The following AP2B1 variants were observed in gnomAD, a reference collection of about 807,000 sequenced individuals.
The protein encoded by AP2B1 is AP-2 complex subunit beta.
A neutral mutation model predicts 102.0 loss-of-function variants in AP2B1; 23 were observed. The ratio of observed to expected loss-of-function variants is 0.23; its 90% confidence interval spans 0.16 to 0.32. The LOEUF (loss-of-function observed/expected upper bound fraction) is 0.32, where lower values mean the gene tolerates loss of function less well. Among genes scored for constraint, AP2B1 ranks in the 10% least tolerant of loss-of-function variants. AP2B1 has a pLI of 1.00. For synonymous variants in AP2B1, 381 were observed against 421.2 expected, an observed-to-expected ratio of 0.90 and a Z score of 1.17; for missense variants, 541 against 1,157.4, an observed-to-expected ratio of 0.47 and a Z score of 7.73.
chr17:35,652,722 T>C (rs894410016), intron 13 of AP2B1, among the ~76,000 whole-genome samples: 5 of 152,214 alleles, frequency 3.3e-5, no homozygotes, highest in Non-Finnish European at 7.4e-5. Context: ...TTATATCTTT[T>C]CATTGAACTC....
intron 18 of AP2B1, among the ~76,000 whole-genome samples, chr17:35,692,977 TTGGC>T (rs1306484608): frequency 2.0e-5 from 3 of 151,978 alleles, no homozygotes; most frequent in South Asian, 4.2e-4. Context: ...AGTTGTTTAT[TTGGC>T]GTTTTTTTAT....
chr17:35,665,120 G>T (rs1322014490), intron 14 of AP2B1, among the ~76,000 whole-genome samples: 3 of 134,790 alleles, frequency 2.2e-5, no homozygotes, highest in Admixed American at 8.4e-5. Flanking sequence ...ATGCTTTTTG[G>T]AATAGCTTTT....
intron 2 of AP2B1, 24 bp downstream of exon 2, chr17:35,594,091 T>C: frequency 6.5e-7 from 1 of 1,548,124 alleles, no homozygotes; most frequent in Non-Finnish European, 8.8e-7. Flanking sequence ...TACAATCAAA[T>C]CTTTTGAAAT....
In AP2B1 at chr17:35,624,450, C is replaced by T. The variant is rs1431596492; in HGVS notation, c.579C>T (p.Asn193=). The T allele has an allele frequency of 2.5e-6, 4 of 1,614,084 alleles. No individual in the cohort carries two copies. The highest frequency in any genetic ancestry group is 1.7e-5 in the Admixed American group (1 of 60,008). The change falls in exon 6 of 22, where the codon AAC becomes AAT. Residue 193 remains asparagine, a synonymous_variant. Coordinates refer to ENST00000610402, the MANE Select transcript of AP2B1 (RefSeq NM_001030006.2). ...ALSEISESHP[N]SNLLDLNPQN... ...CTGAAATCAGTGAGTCTCACCCAAACAGCAACTTACTTGATCTGAACCCAC... is the reference window on the plus strand; with the variant it reads ...CTGAAATCAGTGAGTCTCACCCAAATAGCAACTTACTTGATCTGAACCCAC...
chr17:35,597,349 T>C (rs1040198539), intron 2 of AP2B1, among the ~76,000 whole-genome samples: 39 of 152,306 alleles, frequency 2.6e-4, no homozygotes, highest in South Asian at 4.1e-4. Context: ...TCTTTTTTAT[T>C]TTGGTTCCGG....
rs183650034 is a variant in AP2B1 at position 35,631,778 on chromosome 17, C to G, written c.1155+4052C>G. On this transcript the variant is annotated intron_variant, in intron 9 of 21. Coordinates refer to ENST00000610402, the MANE Select transcript of AP2B1 (RefSeq NM_001030006.2). ...ATCCTTGCAACTAAATCTTTGAACT[C>G]TAGTTGAAGTGAACATTTTTTCATA... 1.5e-4 allele frequency among the ~76,000 whole-genome samples: 23 copies of G among 152,306 alleles called. No individual in the cohort carries two copies. In the East Asian group the frequency reaches 4.4e-3, roughly 29 times the overall value.
chr17:35,590,165 C>T (rs1320955446), intron 1 of AP2B1, among the ~76,000 whole-genome samples: 1 of 152,024 alleles, frequency 6.6e-6, no homozygotes, highest in East Asian at 1.9e-4. Context: ...ACCTTGTGAT[C>T]CGCCCGCCTC....
rs921928163 is a variant in AP2B1, at chr17:35,615,393, G to T, written c.525+7006G>T. ...TCTTGAGGAAGTGGCCTAACATTAT[G>T]CACCTTCCGGTTGTTATAATCTTCA... On this transcript the variant is annotated intron_variant, in intron 5 of 21. Transcript: ENST00000610402. Among the ~76,000 whole-genome samples the T allele has an allele frequency of 1.8e-4, 27 of 152,180 alleles. 1 individual carries two copies. The highest frequency in any genetic ancestry group is 1.5e-5 in the Non-Finnish European group (1 of 68,022).
intron 5 of AP2B1, among the ~76,000 whole-genome samples, chr17:35,610,786 C>T (rs1032580535): frequency 4.0e-5 from 6 of 151,664 alleles, no homozygotes; most frequent in East Asian, 1.9e-4. Context: ...AGGCGCCTAT[C>T]GTCCCAGCTA....
chr17:35,701,897 C>T (rs1298793980), intron 18 of AP2B1, among the ~76,000 whole-genome samples: 10 of 152,184 alleles, frequency 6.6e-5, no homozygotes, highest in Non-Finnish European at 7.3e-5. Flanking sequence ...GCTGGGATTA[C>T]AGGAGTGAGC....
rs1162878668 is a variant in AP2B1 at position 35,721,099 on chromosome 17, C to A, written c.2782-2526C>A. Among the ~76,000 whole-genome samples the A allele has an allele frequency of 2.0e-5, 3 of 151,630 alleles. No homozygotes were observed. In the East Asian group the frequency reaches 5.8e-4, roughly 29 times the overall value. On this transcript the variant is annotated intron_variant, in intron 21 of 21. Transcript: ENST00000610402. ...ACTAATGCATGACAGACTGATGGTCCCTTAGTCTCCTAAGAGGGGTTAATA... is the reference window on the plus strand; with the variant it reads ...ACTAATGCATGACAGACTGATGGTCACTTAGTCTCCTAAGAGGGGTTAATA...
Position 35,723,615 on chromosome 17 carries a change from C to T in AP2B1, c.2782-10C>T. 5.6e-6 allele frequency: 9 copies of T among 1,595,130 alleles called. No homozygotes were observed. The highest frequency in any genetic ancestry group is 7.7e-6 in the Non-Finnish European group (9 of 1,162,880). On this transcript the variant is annotated splice_polypyrimidine_tract_variant and intron_variant, in intron 21 of 21. Coordinates refer to ENST00000610402, the MANE Select transcript of AP2B1 (RefSeq NM_001030006.2). ...TGTGCTAATCTTCCATCTCCTTTTT[C>T]TCCTAACAGCTGTCACTGAAGTGTA...
At chr17:35,713,069 G>C (rs151313573) in intron 20 of AP2B1, among the ~76,000 whole-genome samples, 1 of 152,214 alleles carries the variant, frequency 6.6e-6, no homozygotes, top group Non-Finnish European at 1.5e-5. Flanking sequence ...TTTTAGACTG[G>C]AGTTTTGAAC....
intron 10 of AP2B1, among the ~76,000 whole-genome samples, chr17:35,639,201 C>T (rs149759703): frequency 3.4e-4 from 52 of 152,198 alleles, no homozygotes; most frequent in Admixed American, 3.1e-3. Context: ...AGTGTGGTGG[C>T]ACTAAATTGT....
chr17:35,607,560 T>C (rs1745958662), intron 4 of AP2B1, among the ~76,000 whole-genome samples: 1 of 152,200 alleles, frequency 6.6e-6, no homozygotes, highest in African/African-American at 2.4e-5. Context: ...CTATTTACTA[T>C]ATTTGGAAGC....
intron 20 of AP2B1, among the ~76,000 whole-genome samples, chr17:35,715,772 A>G (rs1182340939): frequency 1.3e-5 from 2 of 152,224 alleles, no homozygotes; most frequent in Non-Finnish European, 2.9e-5. Flanking sequence ...TGACTCCTCA[A>G]ATAGAGCCAT....
At chr17:35,641,263 T>C (rs1193725287) in intron 11 of AP2B1, among the ~76,000 whole-genome samples, 3 of 152,146 alleles carry the variant, frequency 2.0e-5, no homozygotes, top group Non-Finnish European at 4.4e-5. Flanking sequence ...TCACCATCAG[T>C]ATGTTAACAT....
At chr17:35,640,435 A>G (rs1435228932) in intron 11 of AP2B1, among the ~76,000 whole-genome samples, 1 of 151,290 alleles carries the variant, frequency 6.6e-6, no homozygotes, top group Non-Finnish European at 1.5e-5. Context: ...ACAGGGTTTC[A>G]CCATGTTGGC....
chr17:35,674,005 G>A (rs1347127408), intron 16 of AP2B1, among the ~76,000 whole-genome samples, 171 bp from the exon 17 acceptor site: 6 of 152,036 alleles, frequency 3.9e-5, no homozygotes, highest in Non-Finnish European at 5.9e-5. Flanking sequence ...GACTCTATCC[G>A]GAGTCTTTTG....
Sources: allele counts gnomAD v4.1 joint callset (sites outside exome capture counted in the v4.1 genomes callset), GRCh38; gene constraint gnomAD v4.1.1; transcripts MANE v1.5; gene names NCBI Gene and HGNC (gene_info 2026-07-23, HGNC 2026-07-21).